SORT1: variants seen among roughly 807,000 people sequenced by gnomAD.
The protein encoded by SORT1 is sortilin.
In SORT1, 39 loss-of-function variants were observed where a neutral mutation model predicts 101.7. The observed-to-expected ratio is 0.38, with a 90% CI of 0.30 to 0.50. SORT1 has a LOEUF of 0.50. SORT1 is among the 20% of genes least tolerant of loss of function. The probability of loss-of-function intolerance (pLI) is 0.90; values close to 1 mark genes in which losing one functional copy is unlikely to be tolerated. For synonymous variants in SORT1, 396 were observed against 393.7 expected, an observed-to-expected ratio of 1.01 and a Z score of -0.07; for missense variants, 878 against 1,040.4, an observed-to-expected ratio of 0.84 and a Z score of 2.15.
At chr1:109,338,389 T>C (rs926906637) in intron 10 of SORT1, among the ~76,000 whole-genome samples, 3 of 152,196 alleles carry the variant, frequency 2.0e-5, no homozygotes, top group African/African-American at 7.2e-5. Flanking sequence ...TGTAGGCCAC[T>C]GCCAGGACTT....
At chr1:109,347,664 C>G (rs187352293) in intron 6 of SORT1, 132 bp from the exon 7 acceptor site, 1 of 623,310 alleles carries the variant, frequency 1.6e-6, no homozygotes, top group African/African-American at 1.8e-5. Flanking sequence ...ACTTCTCAGG[C>G]GCTGAGCCCT....
intron 1 of SORT1, chr1:109,393,067 A>G: frequency 1.0e-6 from 1 of 985,396 alleles, no homozygotes; most frequent in Non-Finnish European, 1.2e-6. Context: ...GCGATTCACA[A>G]CAACAGGCCG....
rs141307400 is a variant in SORT1 at position 109,342,143 on chromosome 1, T to A, written c.979A>T (p.Ile327Phe). The A allele has an allele frequency of 6.2e-7, 1 of 1,612,480 alleles. No homozygotes were observed. Among genetic ancestry groups the A allele is most frequent in the Non-Finnish European group, 8.5e-7 (1 of 1,178,822 alleles). The change falls in exon 9 of 20, where the codon ATC (isoleucine) becomes TTC (phenylalanine). Residue 327 changes from isoleucine (I) to phenylalanine (F), a missense_variant. Ile to Phe is a conservative substitution (Grantham distance 21, BLOSUM62 0). Transcript: ENST00000256637. The stretch of plus-strand genomic sequence containing the variant: ...TCCCCTTGATCTGTTGAAACGTGGA[T>A]CCTTCTTGTTGTATCCTAGAACAGA... The part of the protein sequence containing the change: ...VMADKDTTRR[I>F]HVSTDQGDTW...
intron 11 of SORT1, among the ~76,000 whole-genome samples, chr1:109,335,067 T>A (rs1222147240): frequency 6.6e-6 from 1 of 151,652 alleles, no homozygotes; most frequent in South Asian, 2.1e-4. Flanking sequence ...TCAACTGGGG[T>A]TGGGGGAGAC....
At chr1:109,326,607 T>G (rs1480890496) in intron 13 of SORT1, among the ~76,000 whole-genome samples, 2 of 143,130 alleles carry the variant, frequency 1.4e-5, no homozygotes, top group Non-Finnish European at 3.1e-5. Context: ...ATATATATGG[T>G]TTTTTTTTTG....
At chr1:109,396,710 G>A (rs1653196189) in intron 1 of SORT1, among the ~76,000 whole-genome samples, 1 of 152,210 alleles carries the variant, frequency 6.6e-6, no homozygotes, top group Admixed American at 6.5e-5. Context: ...TTCTTTGAAA[G>A]AGGAAAACAG....
intron 12 of SORT1, 136 bp from the exon 13 acceptor site, chr1:109,327,296 C>T (rs539417946): frequency 1.1e-6 from 1 of 893,592 alleles, no homozygotes. Flanking sequence ...AGAAAACCAC[C>T]AAAAACTTCG....
Position 109,310,440 on chromosome 1 carries a change from GAA to G in SORT1, c.*3601_*3602del, listed in dbSNP as rs976691757. On this transcript the variant is annotated 3_prime_UTR_variant, in exon 20 of 20. Coordinates refer to ENST00000256637, the MANE Select transcript of SORT1 (RefSeq NM_002959.7). ...GGACAAACCCATGGCAGACAGAACA[GAA>G]AGTCTGGCACCTGCTGACTCCGGCC... 2 of 156,300 alleles carry G rather than the reference GAA, an allele frequency of 1.3e-5. No homozygotes were observed. Among genetic ancestry groups the G allele is most frequent in the Admixed American group, 1.3e-4 (2 of 15,294 alleles). 9.7% of individuals were successfully genotyped at this position (156,300 alleles called of 1,614,324 possible).
rs1647742116 is a variant in SORT1 at position 109,322,998 on chromosome 1, T to C, written c.1958A>G (p.Asn653Ser). The C allele has an allele frequency of 1.2e-6, 2 of 1,614,240 alleles. No homozygotes were observed. The highest frequency in any genetic ancestry group is 1.3e-5 in the African/African-American group (1 of 75,074). Residue 653 changes from asparagine (N) to serine (S), a missense_variant, in exon 15 of 20, where the codon AAT (asparagine) becomes AGT (serine). Physicochemically the swap from Asn to Ser is conservative, Grantham distance 46. Transcript: ENST00000256637. ...CTTGGTCACAACATAGTCTCGACCA[T>C]TCTGACACACGGATGACTTGCGTAG... ...LRLRKSSVCQNGRDYVVTKQP... is the reference protein window; with the variant it reads ...LRLRKSSVCQSGRDYVVTKQP...
intron 1 of SORT1, among the ~76,000 whole-genome samples, chr1:109,384,688 A>G (rs999167145): frequency 6.6e-6 from 1 of 152,210 alleles, no homozygotes; most frequent in African/African-American, 2.4e-5. Flanking sequence ...TGTAGCTCAC[A>G]GTTCTGGAGG....
At chr1:109,352,592 C>T (rs1650040010) in intron 5 of SORT1, among the ~76,000 whole-genome samples, 1 of 152,200 alleles carries the variant, frequency 6.6e-6, no homozygotes, top group South Asian at 2.1e-4. Context: ...GTTCAGTACT[C>T]CTGTACTCTC....
intron 1 of SORT1, among the ~76,000 whole-genome samples, chr1:109,372,775 T>C: frequency 6.6e-6 from 1 of 151,850 alleles, no homozygotes; most frequent in East Asian, 1.9e-4. Flanking sequence ...GGCGGGCACC[T>C]GTAGTCCCAG....
In SORT1 at chr1:109,314,264, A is replaced by T; in HGVS notation, c.2478T>A (p.Asp826Glu). Residue 826 changes from aspartate (D) to glutamate (E), a missense_variant, in exon 19 of 20, where the codon GAT (aspartate) becomes GAA (glutamate). By Grantham distance (45) the Asp-to-Glu change is conservative (BLOSUM62 2). Transcript: ENST00000256637. ...ATTCAAGAAGAAATAGCCTCACCTC[A>T]TCTGAGTCATCATGATAACCACTTT... ...TNKSGYHDDS[D>E]EDLLE The T allele has an allele frequency of 6.2e-7, 1 of 1,613,314 alleles. No individual in the cohort carries two copies. The highest frequency in any genetic ancestry group is 8.5e-7 in the Non-Finnish European group (1 of 1,179,832).
At chr1:109,318,813 C>T (rs957211476) in intron 15 of SORT1, among the ~76,000 whole-genome samples, 1 of 152,022 alleles carries the variant, frequency 6.6e-6, no homozygotes, top group Admixed American at 6.6e-5. Context: ...CCACCATGCT[C>T]GTCTAATTCT....
At chr1:109,335,072 G>A (rs1648719819) in intron 11 of SORT1, among the ~76,000 whole-genome samples, 1 of 152,154 alleles carries the variant, frequency 6.6e-6, no homozygotes, top group African/African-American at 2.4e-5. Flanking sequence ...TGGGGTTGGG[G>A]GAGACAGGCC....
chr1:109,334,697 T>C (rs1648690952), intron 11 of SORT1, among the ~76,000 whole-genome samples: 1 of 152,166 alleles, frequency 6.6e-6, no homozygotes, highest in African/African-American at 2.4e-5. Flanking sequence ...CAAAAGATAA[T>C]TGTGAGGTGA....
rs375214942 is a variant in SORT1 at position 109,340,790 on chromosome 1, C to T, written c.1198G>A (p.Gly400Arg). The change falls in exon 10 of 20, where the codon GGA becomes AGA. Residue 400 changes from glycine to arginine, a missense_variant. Gly to Arg is a moderately radical substitution (Grantham distance 125). Coordinates refer to ENST00000256637, the MANE Select transcript of SORT1 (RefSeq NM_002959.7). ...LDRHLYTTTG[G>R]ETDFTNVTSL... ...GTCACGTTGGTAAAGTCCGTCTCTC[C>T]GCCTGTGGTAGTGTAGAGATGTCGG... 7.4e-6 allele frequency: 12 copies of T among 1,613,974 alleles called. No individual in the cohort carries two copies. The highest frequency in any genetic ancestry group is 2.2e-5 in the East Asian group (1 of 44,896).
In SORT1 at chr1:109,323,100, A is replaced by G. The variant is rs1350849087; in HGVS notation, c.1856T>C (p.Ile619Thr). Reference protein sequence around the residue: ...ERNCEEKDYTIWLAHSTDPED... With the variant: ...ERNCEEKDYTTWLAHSTDPED... The stretch of plus-strand genomic sequence containing the variant: ...AGGGTCTGTGGAGTGTGCCAGCCAT[A>G]TGGTATAGTCCTTCTCTTCACCTAA... The change falls in exon 15 of 20, where the codon ATA becomes ACA. Residue 619 changes from isoleucine (I) to threonine (T), a missense_variant. Around this residue, in one of 2 missense-constraint regions of SORT1, gnomAD observed 684 missense variants for 894.5 expected, o/e 0.76. Coordinates refer to ENST00000256637, the MANE Select transcript of SORT1 (RefSeq NM_002959.7). 3.1e-6 allele frequency: 5 copies of G among 1,613,840 alleles called. No individual in the cohort carries two copies. The highest frequency in any genetic ancestry group is 3.4e-6 in the Non-Finnish European group (4 of 1,179,854).
chr1:109,334,077 C>T (rs533223604), intron 11 of SORT1, among the ~76,000 whole-genome samples: 22 of 151,930 alleles, frequency 1.4e-4, no homozygotes, highest in African/African-American at 3.4e-4. Flanking sequence ...ACCCGGGAGG[C>T]GGAGGTTGAA....
Sources: gnomAD v4.1 joint callset for allele counts (sites outside exome capture counted in the v4.1 genomes callset) on GRCh38, gnomAD v4.1.1 for gene constraint, gnomAD v4.1.1 regional missense constraint, MANE v1.5 for transcripts, NCBI Gene and HGNC (gene_info 2026-07-23, HGNC 2026-07-21) for gene names.